The following ZNF516 variants were observed in gnomAD, a reference collection of about 807,000 sequenced individuals.
ZNF516 encodes the protein zinc finger protein 516.
A neutral mutation model predicts 79.7 loss-of-function variants in ZNF516; 19 were observed. That is an observed-to-expected ratio of 0.24 (90% CI 0.17 to 0.35). ZNF516 has a LOEUF of 0.35. Ranked by LOEUF, ZNF516 falls within the 10% of genes least tolerant of loss-of-function variation. The pLI, the probability that ZNF516 is intolerant of heterozygous loss-of-function variation, is 1.00. For missense variants in ZNF516, 1,678 were observed against 1,679.5 expected (o/e 1.00, Z 0.02); for synonymous variants, 877 against 739.5 (o/e 1.19, Z -3.02).
Position 76,443,055 on chromosome 18 carries a change from C to T in ZNF516, c.-1G>A, listed in dbSNP as rs756971941. 5.2e-5 allele frequency: 83 copies of T among 1,584,326 alleles called. No individual in the cohort carries two copies. Among genetic ancestry groups the T allele is most frequent in the Non-Finnish European group, 6.7e-5 (79 of 1,171,630 alleles). ...TCTCGGCCTCTCTGTTGCGATCCAT[C>T]CGAAGGACGGGCGCGGCCGGTGGTG... On this transcript the variant is annotated 5_prime_UTR_variant, in exon 3 of 7. Transcript: ENST00000443185.
intron 3 of ZNF516, among the ~76,000 whole-genome samples, chr18:76,407,841 C>G (rs1386881404): frequency 6.6e-6 from 1 of 152,184 alleles, no homozygotes; most frequent in Non-Finnish European, 1.5e-5. Flanking sequence ...TGTTCACTTC[C>G]CTGCATTCCT....
chr18:76,464,779 G>A (rs1913354435), intron 1 of ZNF516, among the ~76,000 whole-genome samples: 1 of 151,862 alleles, frequency 6.6e-6, no homozygotes, highest in African/African-American at 2.4e-5. Context: ...CCCCAGCCTG[G>A]CCATCTCACT....
intron 3 of ZNF516, among the ~76,000 whole-genome samples, chr18:76,408,514 T>C (rs1041769067): frequency 1.3e-5 from 2 of 152,016 alleles, no homozygotes; most frequent in Non-Finnish European, 2.9e-5. Flanking sequence ...AGGGATGGTT[T>C]AAAAGGAACC....
chr18:76,384,523 C>T (rs1388643249), intron 3 of ZNF516, among the ~76,000 whole-genome samples: 3 of 143,732 alleles, frequency 2.1e-5, no homozygotes, highest in African/African-American at 7.9e-5. Context: ...TCTCACGCCC[C>T]CTCCACGAAC....
At chr18:76,455,188 A>T (rs529663947) in intron 2 of ZNF516, among the ~76,000 whole-genome samples, 1 of 152,280 alleles carries the variant, frequency 6.6e-6, no homozygotes, top group South Asian at 2.1e-4. Flanking sequence ...AGACCATGAC[A>T]CTAATTCAGT....
chr18:76,377,184 C>T (rs1407431654), intron 4 of ZNF516, among the ~76,000 whole-genome samples: 1 of 152,378 alleles, frequency 6.6e-6, no homozygotes, highest in South Asian at 2.1e-4. Context: ...CAGGTTACAC[C>T]GTCCACCCAG....
intron 3 of ZNF516, among the ~76,000 whole-genome samples, chr18:76,417,613 C>A (rs1422283711): frequency 1.3e-5 from 2 of 152,138 alleles, no homozygotes; most frequent in East Asian, 3.8e-4. Flanking sequence ...TTACTGAAAG[C>A]CAAGAAGTAA....
intron 3 of ZNF516, among the ~76,000 whole-genome samples, chr18:76,414,558 A>ACTACT (rs879756149): frequency 2.6e-5 from 4 of 152,240 alleles, no homozygotes; most frequent in Non-Finnish European, 4.4e-5. Context: ...GAATCTACAT[A>ACTACT]CTACTGTCGA....
rs60337965 is a variant in ZNF516 at position 76,360,794 on chromosome 18, CAATAATAATAAT to C, written c.*1692_*1703del. ...AACCAAACATTACTAATAACAATAACAATAATAATAATAATAATAATAATAATATAATAATAT... is the reference window on the plus strand; with the variant it reads ...AACCAAACATTACTAATAACAATAACAATAATAATAATAATATAATAATAT... On this transcript the variant is annotated 3_prime_UTR_variant, in exon 7 of 7. Coordinates refer to ENST00000443185, the MANE Select transcript of ZNF516 (RefSeq NM_014643.4). 4 of 141,400 alleles carry C rather than the reference CAATAATAATAAT, an allele frequency of 2.8e-5. No individual in the cohort carries two copies. The highest frequency in any genetic ancestry group is 4.3e-4 in the South Asian group (2 of 4,644). 8.8% of individuals were successfully genotyped at this position (141,400 alleles called of 1,614,324 possible). A position where few individuals can be genotyped will look rare whatever the true frequency, so the allele number is the denominator to read the frequency against.
chr18:76,490,854 G>A (rs1158619455), intron 1 of ZNF516: 2 of 985,366 alleles, frequency 2.0e-6, no homozygotes, highest in East Asian at 1.1e-4. Context: ...GACACCCCTG[G>A]AAGGCCAGCC....
At position 76,441,616 on chromosome 18, in the gene ZNF516, C is replaced by T. The variant is rs2145542071; in HGVS notation, c.1439G>A (p.Arg480His). ...APAAQGPPRK[R>H]ASGPGDPAPA... ...CGCGGGGTCCCCAGGCCCGCTCGCG[C>T]GCTTCCGCGGGGGCCCCTGCGCGGC... Residue 480 changes from arginine to histidine, a missense_variant, in exon 3 of 7, where the codon CGC becomes CAC. Arg to His is a conservative substitution (Grantham distance 29, BLOSUM62 0). Coordinates refer to ENST00000443185, the MANE Select transcript of ZNF516 (RefSeq NM_014643.4). The T allele has an allele frequency of 1.3e-6, 2 of 1,494,652 alleles. No individual in the cohort carries two copies. The highest frequency in any genetic ancestry group is 2.3e-5 in the Admixed American group (1 of 43,070). The allele number at this position is 1,494,652 out of a possible 1,614,324, so 92.6% of individuals were successfully genotyped here.
intron 3 of ZNF516, among the ~76,000 whole-genome samples, chr18:76,436,872 AC>A (rs1362356818): frequency 1.3e-5 from 2 of 151,954 alleles, no homozygotes; most frequent in East Asian, 1.9e-4. Flanking sequence ...GTTCAAGATC[AC>A]CCTGGACAAC....
In ZNF516 at chr18:76,360,644, AAAATATATATATATATATATAT is replaced by A. The variant is rs1251292410; in HGVS notation, c.*1832_*1853del. 7 of 101,662 alleles carry A rather than the reference AAAATATATATATATATATATAT, an allele frequency of 6.9e-5. No homozygotes were observed. Among genetic ancestry groups the A allele is most frequent in the South Asian group, 7.1e-4 (2 of 2,804 alleles). The allele number at this position is 101,662 out of a possible 1,614,324, so 6.3% of individuals were successfully genotyped here. ...AGAAAAAAATAAGTAAAAAAAAAAA[AAAATATATATATATATATATAT>A]ATATATATATATAAGCTAGCCAGTT... On this transcript the variant is annotated 3_prime_UTR_variant, in exon 7 of 7. Transcript: ENST00000443185.
intron 2 of ZNF516, among the ~76,000 whole-genome samples, chr18:76,454,714 C>T: frequency 6.6e-6 from 1 of 152,196 alleles, no homozygotes; most frequent in East Asian, 1.9e-4. Flanking sequence ...CACTTAATGA[C>T]ACATTACTGC....
At chr18:76,468,984 G>GCTCC (rs577861429) in intron 1 of ZNF516, among the ~76,000 whole-genome samples, 232 of 152,304 alleles carry the variant, frequency 1.5e-3, no homozygotes, top group Middle Eastern at 3.4e-3. Context: ...GAAGCACTTG[G>GCTCC]GGAGAGCCTC....
intron 3 of ZNF516, among the ~76,000 whole-genome samples, chr18:76,401,874 A>ACCAACCACACCCCCGCG (rs1568262017): frequency 1.4e-5 from 2 of 148,010 alleles, no homozygotes; most frequent in African/African-American, 5.0e-5. Context: ...CCCCTCCACT[A>ACCAACCACACCCCCGCG]CTGTTTATAG....
At position 76,423,488 on chromosome 18, in the gene ZNF516, C is replaced by A. The variant is rs925018520; in HGVS notation, c.1810+17757G>T. On this transcript the variant is annotated intron_variant, in intron 3 of 6. Coordinates refer to ENST00000443185, the MANE Select transcript of ZNF516 (RefSeq NM_014643.4). ...CAGGCGAAAAGGTTCCCCCCTGAAA[C>A]ACACACATGCCAGTGAAAAGGTTCC... 3.3e-5 allele frequency among the ~76,000 whole-genome samples: 5 copies of A among 151,526 alleles called. No homozygotes were observed. The East Asian group carries it at 9.7e-4, about 30-fold the overall frequency.
At chr18:76,370,735 G>GT in intron 5 of ZNF516, 140 bp from the exon 6 acceptor site, 1 of 658,770 alleles carries the variant, frequency 1.5e-6, no homozygotes, top group South Asian at 2.7e-5. Flanking sequence ...CCAATTTACC[G>GT]TAACACTTAC....
chr18:76,440,191 ACCCTC>A, intron 3 of ZNF516, among the ~76,000 whole-genome samples: 1 of 124,498 alleles, frequency 8.0e-6, no homozygotes, highest in Non-Finnish European at 1.7e-5. Flanking sequence ...AGTGTAACAG[ACCCTC>A]ACATAACACA....
Sources: gnomAD v4.1 joint callset for allele counts (sites outside exome capture counted in the v4.1 genomes callset) on GRCh38, gnomAD v4.1.1 for gene constraint, MANE v1.5 for transcripts, NCBI Gene and HGNC (gene_info 2026-07-23, HGNC 2026-07-21) for gene names.